Variants in COL24A1 observed in about 807,000 individuals in gnomAD.
COL24A1 encodes collagen alpha-1(XXIV) chain.
A neutral mutation model predicts 253.9 loss-of-function variants in COL24A1; 224 were observed. The ratio of observed to expected loss-of-function variants is 0.88; its 90% confidence interval spans 0.79 to 0.99. COL24A1 has a LOEUF of 0.99. Among genes scored for constraint, COL24A1 ranks in the 50% least tolerant of loss-of-function variants. The pLI is 0.00. For synonymous variants in COL24A1, 685 were observed against 673.7 expected (o/e 1.02, Z -0.26); for missense variants, 2,131 against 2,068.5 (o/e 1.03, Z -0.59).
At chr1:85,790,078 G>A (rs1389787148) in intron 47 of COL24A1, among the ~76,000 whole-genome samples, 2 of 152,178 alleles carry the variant, frequency 1.3e-5, no homozygotes, top group African/African-American at 4.8e-5. Context: ...ATGAGTTAGG[G>A]AGGAGTCTCT....
At chr1:85,847,472 A>G (rs1428589274) in intron 39 of COL24A1, among the ~76,000 whole-genome samples, 193 bp downstream of exon 39, 1 of 151,838 alleles carries the variant, frequency 6.6e-6, no homozygotes, top group Non-Finnish European at 1.5e-5. Flanking sequence ...TTCCTTTTTC[A>G]TGTCCAGAAA....
intron 53 of COL24A1, among the ~76,000 whole-genome samples, chr1:85,772,892 T>G (rs190308120): frequency 1.4e-4 from 22 of 152,298 alleles, no homozygotes; most frequent in African/African-American, 5.1e-4. Flanking sequence ...CATTTGTCAA[T>G]TTTGGCTTTT....
At chr1:85,774,894 A>G (rs1668368442) in intron 53 of COL24A1, among the ~76,000 whole-genome samples, 1 of 151,796 alleles carries the variant, frequency 6.6e-6, no homozygotes, top group African/African-American at 2.4e-5. Flanking sequence ...GATCTTAGTT[A>G]CTTCTTGCCT....
intron 19 of COL24A1, among the ~76,000 whole-genome samples, chr1:85,997,258 G>A (rs1393156226): frequency 1.3e-5 from 2 of 151,402 alleles, no homozygotes; most frequent in Non-Finnish European, 2.9e-5. Flanking sequence ...TTAGGCAAAG[G>A]CACGTTTAAA....
rs149787334 is a variant in COL24A1, at chr1:86,005,153, A to G, written c.2310+11998T>C. Among the ~76,000 whole-genome samples, 38 of 152,340 alleles carry G rather than the reference A, an allele frequency of 2.5e-4. No individual in the cohort carries two copies. The East Asian group carries it at 7.1e-3, about 29-fold the overall frequency. ...GAACAACTGGATTGACAGAGGCCAC[A>G]GTTCATCCTATTAACACAGTCAGAT... is the stretch of plus-strand genomic sequence containing the variant. On this transcript the variant is annotated intron_variant, in intron 19 of 59. Coordinates refer to ENST00000370571, the MANE Select transcript of COL24A1 (RefSeq NM_152890.7).
intron 1 of COL24A1, among the ~76,000 whole-genome samples, chr1:86,150,707 T>A (rs1049187115): frequency 6.6e-6 from 1 of 152,170 alleles, no homozygotes; most frequent in Non-Finnish European, 1.5e-5. Context: ...GAATCCAAGA[T>A]TCTTGGGAAA....
chr1:86,132,350 G>A (rs574964109), intron 2 of COL24A1, among the ~76,000 whole-genome samples: 6 of 152,116 alleles, frequency 3.9e-5, no homozygotes, highest in Non-Finnish European at 7.4e-5. Context: ...CTTTTGCTGT[G>A]CAGAAGCTCT....
At chr1:85,893,847 T>C (rs1382281621) in intron 31 of COL24A1, among the ~76,000 whole-genome samples, 1 of 152,142 alleles carries the variant, frequency 6.6e-6, no homozygotes, top group African/African-American at 2.4e-5. Context: ...CTCACTACAT[T>C]GCCCTAGCTG....
intron 32 of COL24A1, among the ~76,000 whole-genome samples, chr1:85,885,207 T>C (rs80205225): frequency 8.3e-6 from 1 of 121,200 alleles, no homozygotes; most frequent in South Asian, 2.9e-4. Flanking sequence ...CATTTATTTA[T>C]TTACTTATTT....
chr1:85,870,583 G>A (rs1257377956), intron 35 of COL24A1, among the ~76,000 whole-genome samples: 1 of 152,124 alleles, frequency 6.6e-6, no homozygotes, highest in Admixed American at 6.6e-5. Flanking sequence ...TGAACAACCT[G>A]CTCCTGAATG....
At chr1:85,828,451 G>C (rs1674697853) in intron 43 of COL24A1, among the ~76,000 whole-genome samples, 1 of 151,342 alleles carries the variant, frequency 6.6e-6, no homozygotes, top group African/African-American at 2.4e-5. Flanking sequence ...GCTTGGTGCA[G>C]AGCTGAGTTG....
intron 47 of COL24A1, among the ~76,000 whole-genome samples, chr1:85,810,248 A>T (rs1251903773): frequency 1.3e-5 from 2 of 152,110 alleles, no homozygotes; most frequent in East Asian, 3.9e-4. Context: ...GCACCATGAC[A>T]GTTTAAAAAT....
intron 12 of COL24A1, among the ~76,000 whole-genome samples, chr1:86,036,146 C>A (rs1698992538): frequency 6.6e-6 from 1 of 151,762 alleles, no homozygotes; most frequent in Non-Finnish European, 1.5e-5. Context: ...ATGTATTTTT[C>A]TTTATTATTA....
chr1:85,784,620 A>C (rs755266822), intron 48 of COL24A1, among the ~76,000 whole-genome samples: 3 of 152,126 alleles, frequency 2.0e-5, no homozygotes, highest in African/African-American at 4.8e-5. Context: ...AAGAAGAGGG[A>C]AGGGGGAACC....
intron 57 of COL24A1, among the ~76,000 whole-genome samples, chr1:85,739,517 T>G (rs1326016099): frequency 1.3e-5 from 2 of 152,246 alleles, no homozygotes; most frequent in African/African-American, 2.4e-5. Flanking sequence ...GCATCTTTCT[T>G]GCTCTTTGTT....
chr1:85,959,072 A>G (rs1690763025), intron 24 of COL24A1, among the ~76,000 whole-genome samples: 2 of 152,122 alleles, frequency 1.3e-5, no homozygotes, highest in Admixed American at 6.5e-5. Context: ...AAAATCAGCT[A>G]CTACAATTAC....
At chr1:85,830,918 T>C (rs1675184242) in intron 43 of COL24A1, among the ~76,000 whole-genome samples, 1 of 152,156 alleles carries the variant, frequency 6.6e-6, no homozygotes, top group Admixed American at 6.6e-5. Context: ...AGACCGGAGC[T>C]GTTCTTATTT....
intron 58 of COL24A1, among the ~76,000 whole-genome samples, chr1:85,735,316 G>A (rs1557926749): frequency 6.6e-6 from 1 of 152,120 alleles, no homozygotes; most frequent in Non-Finnish European, 1.5e-5. Flanking sequence ...CATACCATCA[G>A]GCTACTACAT....
At chr1:85,890,209 G>T (rs745308232) in intron 31 of COL24A1, among the ~76,000 whole-genome samples, 84 of 152,090 alleles carry the variant, frequency 5.5e-4, no homozygotes, top group Non-Finnish European at 1.0e-3. Context: ...ATTAACATGG[G>T]TATGCGAGTA....
Sources: allele counts gnomAD v4.1 joint callset (sites outside exome capture counted in the v4.1 genomes callset), GRCh38; gene constraint gnomAD v4.1.1; transcripts MANE v1.5; gene names NCBI Gene and HGNC (gene_info 2026-07-23, HGNC 2026-07-21).